The following TRMT1 variants were observed in gnomAD, a reference collection of about 807,000 sequenced individuals.
TRMT1 encodes tRNA (guanine(26)-N(2))-dimethyltransferase.
TRMT1 carries 63 observed loss-of-function variants against 75.4 expected under a neutral mutation model. The observed-to-expected ratio is 0.84, with a 90% CI of 0.68 to 1.03. TRMT1 has a LOEUF of 1.03. TRMT1 is among the 50% of genes least tolerant of loss of function. TRMT1 has a pLI of 0.00. For missense variants in TRMT1, 870 were observed against 905.3 expected, an observed-to-expected ratio of 0.96 and a Z score of 0.50; for synonymous variants, 382 against 358.1, an observed-to-expected ratio of 1.07 and a Z score of -0.75.
chr19:13,112,230 C>T (rs1238683903), intron 7 of TRMT1, among the ~76,000 whole-genome samples: 1 of 151,898 alleles, frequency 6.6e-6, no homozygotes, highest in Non-Finnish European at 1.5e-5. Flanking sequence ...CTCAGGTGAT[C>T]CACCTGCCTA....
Position 13,105,346 on chromosome 19 carries a change from T to C in TRMT1, c.1754A>G (p.Asn585Ser), listed in dbSNP as rs375885074. 3 of 1,613,804 alleles carry C rather than the reference T, an allele frequency of 1.9e-6. No individual in the cohort carries two copies. Among genetic ancestry groups the C allele is most frequent in the Non-Finnish European group, 2.5e-6 (3 of 1,180,030 alleles). ...ATCTTCCGGCGGCTCCTTCCGCTTGTTCTGAAGCAGCCTGCGTCTCTCCTC... is the reference window on the plus strand; with the variant it reads ...ATCTTCCGGCGGCTCCTTCCGCTTGCTCTGAAGCAGCCTGCGTCTCTCCTC... Reference protein sequence around the residue: ...AMEERRRLLQNKRKEPPEDVA... With the variant: ...AMEERRRLLQSKRKEPPEDVA... The change falls in exon 16 of 17, where the codon AAC (asparagine) becomes AGC (serine). Residue 585 changes from asparagine to serine, a missense_variant. Transcript: ENST00000357720.
At position 13,109,604 on chromosome 19, in the gene TRMT1, G is replaced by A. The variant is rs201679777; in HGVS notation, c.1257C>T (p.Pro419=). 2.3e-4 allele frequency: 367 copies of A among 1,614,008 alleles called. No individual in the cohort carries two copies. The highest frequency in any genetic ancestry group is 1.5e-3 in the Middle Eastern group (9 of 6,060). The change falls in exon 11 of 17, where the codon CCC becomes CCT. Residue 419 remains proline (P), a synonymous_variant. Transcript: ENST00000357720. Reference sequence around the variant, plus strand: ...TCCGCTCCGAGGTGTGGAAGCGGCCGGGGTTAGCGCTCACAGCCTCCAGGA... The same window carrying A: ...TCCGCTCCGAGGTGTGGAAGCGGCCAGGGTTAGCGCTCACAGCCTCCAGGA... ...GRVLEAVSAN[P]GRFHTSERIR...
chr19:13,111,696 C>A (rs922718454), intron 7 of TRMT1, among the ~76,000 whole-genome samples: 1 of 150,090 alleles, frequency 6.7e-6, no homozygotes, highest in African/African-American at 2.5e-5. Flanking sequence ...CCGCGCCCGG[C>A]CTATTTTTTT....
chr19:13,107,458 T>C lies in TRMT1; in HGVS notation c.1583+116A>G, dbSNP rs555279453. On this transcript the variant is annotated intron_variant, in intron 14 of 16. Coordinates refer to ENST00000357720, the MANE Select transcript of TRMT1 (RefSeq NM_001136035.4). ...CCAGCCCCAGTCAGCAGATTTTGAATCTCACTTGAAGAATGGGCACGAGTC... is the reference window on the plus strand; with the variant it reads ...CCAGCCCCAGTCAGCAGATTTTGAACCTCACTTGAAGAATGGGCACGAGTC... 6 of 1,278,694 alleles carry C rather than the reference T, an allele frequency of 4.7e-6. No homozygotes were observed. The African/African-American group carries it at 8.8e-5, about 19-fold the overall frequency. The allele number at this position is 1,278,694 out of a possible 1,614,324, so 79.2% of individuals were successfully genotyped here. A position where few individuals can be genotyped will look rare whatever the true frequency, so the allele number is the denominator to read the frequency against.
intron 12 of TRMT1, 92 bp downstream of exon 12, chr19:13,109,289 C>G: frequency 6.9e-7 from 1 of 1,443,362 alleles, no homozygotes; most frequent in Non-Finnish European, 9.6e-7. Context: ...TCTCCCCACC[C>G]CCTCGCAAGT....
intron 14 of TRMT1, among the ~76,000 whole-genome samples, chr19:13,107,286 C>T (rs1057421757): frequency 1.6e-4 from 24 of 152,110 alleles, no homozygotes; most frequent in Admixed American, 1.3e-4. Flanking sequence ...AGGCACCCAC[C>T]ACCACACCAT....
intron 9 of TRMT1, 23 bp from the exon 10 acceptor site, chr19:13,109,861 TG>T: frequency 6.2e-7 from 1 of 1,614,026 alleles, no homozygotes; most frequent in Non-Finnish European, 8.5e-7. Flanking sequence ...GGGTGGTTGG[TG>T]GGGAGGGAGG....
rs770991728 is a variant in TRMT1, at chr19:13,112,975, C to A, written c.678G>T (p.Arg226Ser). 5 of 1,613,714 alleles carry A rather than the reference C, an allele frequency of 3.1e-6. No individual in the cohort carries two copies. The highest frequency in any genetic ancestry group is 3.4e-6 in the Non-Finnish European group (4 of 1,179,846). ...AGGGGTCCAGATCGATGACGTCAAA[C>A]CTCTCCGACACCCTCTGGTGCTGGT... ...LMYQHQRVSERFDVIDLDPYG... is the reference protein window; with the variant it reads ...LMYQHQRVSESFDVIDLDPYG... Residue 226 changes from arginine to serine, a missense_variant, in exon 6 of 17, where the codon AGG becomes AGT. By Grantham distance (110) the Arg-to-Ser change is moderately radical (BLOSUM62 -1). Transcript: ENST00000357720.
rs755715722 is a variant in TRMT1, at chr19:13,116,569, T to A, written c.-33+84A>T. On this transcript the variant is annotated intron_variant, in intron 1 of 16. Transcript: ENST00000357720. ...AGCTGATATCCCCTCGTTTTGGGGA[T>A]GACTGGTCCCTGTGGAGCCGATGCC... 6.4e-6 allele frequency: 6 copies of A among 941,094 alleles called. No homozygotes were observed. In the East Asian group the frequency reaches 1.3e-4, roughly 21 times the overall value. The allele number at this position is 941,094 out of a possible 1,614,324, so 58.3% of individuals were successfully genotyped here.
At chr19:13,116,567 G>T in intron 1 of TRMT1, 86 bp downstream of exon 1, 1 of 949,920 alleles carries the variant, frequency 1.1e-6, no homozygotes, top group Non-Finnish European at 1.5e-6. Context: ...TCGTTTTGGG[G>T]ATGACTGGTC....
chr19:13,109,841 A>C lies in TRMT1; in HGVS notation c.1107-3T>G. The C allele has an allele frequency of 6.2e-7, 1 of 1,614,102 alleles. No individual in the cohort carries two copies. Among genetic ancestry groups the C allele is most frequent in the Non-Finnish European group, 8.5e-7 (1 of 1,180,010 alleles). ...CACAGGCTGCAGAGAACTTGGCCCT[A>C]AACAGAGAGGGGTGGTTGGTGGGGA... On this transcript the variant is annotated splice_polypyrimidine_tract_variant and splice_region_variant and intron_variant, in intron 9 of 16. Transcript: ENST00000357720.
intron 7 of TRMT1, 31 bp downstream of exon 7, chr19:13,112,674 C>T: frequency 6.3e-7 from 1 of 1,598,794 alleles, no homozygotes; most frequent in Non-Finnish European, 8.5e-7. Flanking sequence ...GTCCCCCGGT[C>T]TCCCTGGCTG....
chr19:13,109,599 C>T lies in TRMT1; in HGVS notation c.1262G>A (p.Arg421His), dbSNP rs756058154. Residue 421 changes from arginine (R) to histidine (H), a missense_variant, in exon 11 of 17, where the codon CGC (arginine) becomes CAC (histidine). Coordinates refer to ENST00000357720, the MANE Select transcript of TRMT1 (RefSeq NM_001136035.4). ...TCGGATCCGCTCCGAGGTGTGGAAG[C>T]GGCCGGGGTTAGCGCTCACAGCCTC... Reference protein sequence around the residue: ...VLEAVSANPGRFHTSERIRGV... With the variant: ...VLEAVSANPGHFHTSERIRGV... 33 of 1,613,868 alleles carry T rather than the reference C, an allele frequency of 2.0e-5. No individual in the cohort carries two copies. The highest frequency in any genetic ancestry group is 5.0e-5 in the Admixed American group (3 of 59,994).
Position 13,109,478 on chromosome 19 carries a change from G to A in TRMT1, c.1312-12C>T. 5 of 1,613,998 alleles carry A rather than the reference G, an allele frequency of 3.1e-6. No homozygotes were observed. Among genetic ancestry groups the A allele is most frequent in the Non-Finnish European group, 3.4e-6 (4 of 1,180,000 alleles). ...ACGTCCGGGAGCTCCTGCGATGGGG[G>A]ACAGGATGGGCATGAGTGGAGATGG... On this transcript the variant is annotated splice_polypyrimidine_tract_variant and intron_variant, in intron 11 of 16. Coordinates refer to ENST00000357720, the MANE Select transcript of TRMT1 (RefSeq NM_001136035.4).
Position 13,115,389 on chromosome 19 carries a change from G to C in TRMT1, c.531C>G (p.Leu177=). Residue 177 remains leucine (L), a synonymous_variant, in exon 5 of 17, where the codon CTC becomes CTG. Coordinates refer to ENST00000357720, the MANE Select transcript of TRMT1 (RefSeq NM_001136035.4). ...AGGCATCGTTTGCAACCACAGATCT[G>C]AGCCCAGGCACCTCTAGGGCAAATC... The part of the protein sequence containing the change: ...SIRFALEVPG[L]RSVVANDAST... The C allele has an allele frequency of 1.2e-6, 2 of 1,614,102 alleles. No individual in the cohort carries two copies. Among genetic ancestry groups the C allele is most frequent in the Non-Finnish European group, 1.7e-6 (2 of 1,180,036 alleles).
At chr19:13,108,897 A>G (rs1000198492) in intron 12 of TRMT1, among the ~76,000 whole-genome samples, 17 of 151,266 alleles carry the variant, frequency 1.1e-4, no homozygotes, top group African/African-American at 4.1e-4. Context: ...GGCATGAGCC[A>G]ATAAGCCTGG....
intron 7 of TRMT1, among the ~76,000 whole-genome samples, chr19:13,110,644 AG>A (rs1443978359): frequency 6.6e-6 from 1 of 152,210 alleles, no homozygotes; most frequent in Non-Finnish European, 1.5e-5. Context: ...CTCTGTGGGC[AG>A]GAAGTGGGGA....
chr19:13,105,567 G>A lies in TRMT1; in HGVS notation c.1623C>T (p.Pro541=). 1 of 1,614,006 alleles carries A rather than the reference G, an allele frequency of 6.2e-7. No individual in the cohort carries two copies. The highest frequency in any genetic ancestry group is 1.6e-4 in the Middle Eastern group (1 of 6,062). ...GCTTGAGTCCTCGCTGTCGGGAGCT[G>A]GGGTTGGCATCTTCCCGGATGGTGA... is the stretch of plus-strand genomic sequence containing the variant. ...ANFTIREDAN[P]SSRQRGLKRF... The change falls in exon 15 of 17, where the codon CCC becomes CCT. Residue 541 remains proline, a synonymous_variant. Coordinates refer to ENST00000357720, the MANE Select transcript of TRMT1 (RefSeq NM_001136035.4).
At chr19:13,105,826 C>T (rs915484842) in intron 14 of TRMT1, among the ~76,000 whole-genome samples, 1 of 152,156 alleles carries the variant, frequency 6.6e-6, no homozygotes, top group Non-Finnish European at 1.5e-5. Flanking sequence ...TTTTGGGAGG[C>T]TGAGGCGGGT....
Sources: gnomAD v4.1 joint callset for allele counts (sites outside exome capture counted in the v4.1 genomes callset) on GRCh38, gnomAD v4.1.1 for gene constraint, MANE v1.5 for transcripts, NCBI Gene and HGNC (gene_info 2026-07-23, HGNC 2026-07-21) for gene names.